Variants in TBC1D13 observed in about 807,000 individuals in gnomAD.
TBC1D13 encodes the protein epididymis secretory sperm binding protein.
TBC1D13 carries 40 observed loss-of-function variants against 53.6 expected under a neutral mutation model. That is an observed-to-expected ratio of 0.75 (90% CI 0.58 to 0.97). The LOEUF is 0.97. Among genes scored for constraint, TBC1D13 ranks in the 50% least tolerant of loss-of-function variants. TBC1D13 has a pLI of 0.00. For synonymous variants in TBC1D13, 182 were observed against 197.7 expected, an observed-to-expected ratio of 0.92 and a Z score of 0.67; for missense variants, 377 against 499.4, an observed-to-expected ratio of 0.75 and a Z score of 2.34.
intron 7 of TBC1D13, among the ~76,000 whole-genome samples, chr9:128,799,822 C>A (rs530008838): frequency 1.3e-5 from 2 of 152,118 alleles, no homozygotes; most frequent in Non-Finnish European, 2.9e-5. Context: ...GAGATCGAGA[C>A]CATCCTGGCT....
At chr9:128,789,812 T>TATATATATATATATATATATATATAA (rs11269563) in intron 2 of TBC1D13, 1 of 132,400 alleles carries the variant, frequency 7.6e-6, no homozygotes, top group African/African-American at 3.0e-5. Context: ...TATATATATA[T>TATATATATATATATATATATATATAA]AATAATTCCA....
chr9:128,807,009 A>G (rs1829847291), intron 11 of TBC1D13, among the ~76,000 whole-genome samples: 1 of 151,914 alleles, frequency 6.6e-6, no homozygotes, highest in Admixed American at 6.6e-5. Context: ...TGCTGTGCTC[A>G]TCATGTGACC....
Position 128,794,452 on chromosome 9 carries a change from T to C in TBC1D13, c.383+1878T>C, listed in dbSNP as rs113850399. Among the ~76,000 whole-genome samples the C allele has an allele frequency of 3.0e-3, 459 of 152,254 alleles. 2 individuals are homozygous for C. The highest frequency in any genetic ancestry group is 0.011 in the African/African-American group (444 of 41,552). On this transcript the variant is annotated intron_variant, in intron 6 of 11. Coordinates refer to ENST00000372648, the MANE Select transcript of TBC1D13 (RefSeq NM_018201.5). ...ACCTGGGGAAATAGGTTCTGTTTTT[T>C]TGTTTTCTGTTTTTTTTTTGTTTTT... is the stretch of plus-strand genomic sequence containing the variant.
At chr9:128,804,317 T>A (rs1829788977) in intron 9 of TBC1D13, among the ~76,000 whole-genome samples, 198 bp downstream of exon 9, 1 of 151,968 alleles carries the variant, frequency 6.6e-6, no homozygotes, top group Non-Finnish European at 1.5e-5. Flanking sequence ...TTGAGAATGG[T>A]GCCCATTGTG....
rs1050058157 is a variant in TBC1D13, at chr9:128,808,198, C to T, written c.*319C>T. ...GCCCCTCCCTGCCTCGGCTCTGCCG[C>T]CCCAGCCTCAGTTCCTGCTTCTGGT... On this transcript the variant is annotated 3_prime_UTR_variant, in exon 12 of 12. Coordinates refer to ENST00000372648, the MANE Select transcript of TBC1D13 (RefSeq NM_018201.5). The T allele has an allele frequency of 2.7e-6, 1 of 371,054 alleles. No homozygotes were observed. The highest frequency in any genetic ancestry group is 5.0e-5 in the East Asian group (1 of 20,072). The allele number at this position is 371,054 out of a possible 1,614,324, so 23.0% of individuals were successfully genotyped here. A position where few individuals can be genotyped will look rare whatever the true frequency, so the allele number is the denominator to read the frequency against.
rs997842055 is a variant in TBC1D13 at position 128,809,879 on chromosome 9, C to A, written c.*2000C>A. Reference sequence around the variant, plus strand: ...GATGCTTCCTGCTCACCTGGGCCACCCTCTCTCCAGGACTTGTCAGCTGGT... The same window carrying A: ...GATGCTTCCTGCTCACCTGGGCCACACTCTCTCCAGGACTTGTCAGCTGGT... On this transcript the variant is annotated 3_prime_UTR_variant, in exon 12 of 12. Transcript: ENST00000372648. 1.3e-5 allele frequency: 2 copies of A among 152,620 alleles called. No homozygotes were observed. The highest frequency in any genetic ancestry group is 2.9e-5 in the Non-Finnish European group (2 of 68,334). The allele number at this position is 152,620 out of a possible 1,614,324, so 9.5% of individuals were successfully genotyped here.
Position 128,810,385 on chromosome 9 carries a change from TTGA to T in TBC1D13, c.*2510_*2512del, listed in dbSNP as rs1288395612. ...TGTTTTGTTCCTTGAGTCAGTGCTG[TTGA>T]TGACGAGTTGTCTTGAATAAATCAT... On this transcript the variant is annotated 3_prime_UTR_variant, in exon 12 of 12. Transcript: ENST00000372648. 6.6e-6 allele frequency: 1 copy of T among 152,270 alleles called. No homozygotes were observed. The highest frequency in any genetic ancestry group is 1.5e-5 in the Non-Finnish European group (1 of 68,068). 9.4% of individuals were successfully genotyped at this position (152,270 alleles called of 1,614,324 possible). A position where few individuals can be genotyped will look rare whatever the true frequency, so the allele number is the denominator to read the frequency against.
intron 7 of TBC1D13, among the ~76,000 whole-genome samples, chr9:128,798,375 C>T (rs1306016057): frequency 6.6e-6 from 1 of 151,874 alleles, no homozygotes; most frequent in African/African-American, 2.4e-5. Context: ...AAGCAGAGAG[C>T]GAGTGAAGAG....
At position 128,803,284 on chromosome 9, in the gene TBC1D13, C is replaced by T; in HGVS notation, c.578C>T (p.Ser193Phe). Residue 193 changes from serine (S) to phenylalanine (F), a missense_variant, in exon 8 of 12, where the codon TCC (serine) becomes TTC (phenylalanine). Coordinates refer to ENST00000372648, the MANE Select transcript of TBC1D13 (RefSeq NM_018201.5). The part of the protein sequence containing the change: ...SSPHKNSVPS[S>F]LNEYEVLPNG... ...CCACACAAGAACTCTGTGCCATCATCCCTAAATGAGTATGAGGTGCTGCCC... is the reference window on the plus strand; with the variant it reads ...CCACACAAGAACTCTGTGCCATCATTCCTAAATGAGTATGAGGTGCTGCCC... The T allele has an allele frequency of 6.2e-7, 1 of 1,614,188 alleles. No individual in the cohort carries two copies. The highest frequency in any genetic ancestry group is 8.5e-7 in the Non-Finnish European group (1 of 1,180,032).
intron 6 of TBC1D13, 133 bp downstream of exon 6, chr9:128,792,707 T>G: frequency 1.3e-6 from 1 of 789,910 alleles, no homozygotes; most frequent in Non-Finnish European, 2.1e-6. Context: ...TCCCAGCGGT[T>G]GGGTCCAGGC....
At position 128,788,390 on chromosome 9, in the gene TBC1D13, G is replaced by C. The variant is rs762891775; in HGVS notation, c.80G>C (p.Arg27Pro). Residue 27 changes from arginine (R) to proline (P), a missense_variant, in exon 2 of 12, where the codon CGG becomes CCG. Coordinates refer to ENST00000372648, the MANE Select transcript of TBC1D13 (RefSeq NM_018201.5). ...KEPSIALEKL[R>P]ELSFSGIPCE... ...CCCTCAATTGCATTGGAAAAGCTGC[G>C]GGAACTCAGCTTTAGTGGTAAGAAG... 1.2e-6 allele frequency: 2 copies of C among 1,614,070 alleles called. No individual in the cohort carries two copies. Among genetic ancestry groups the C allele is most frequent in the South Asian group, 1.1e-5 (1 of 91,072 alleles).
chr9:128,792,813 C>T (rs1039874753), intron 6 of TBC1D13, among the ~76,000 whole-genome samples: 3 of 152,056 alleles, frequency 2.0e-5, no homozygotes, highest in African/African-American at 7.2e-5. Flanking sequence ...TCATTTGTAC[C>T]CCAGGTGTTT....
chr9:128,797,311 T>C, intron 7 of TBC1D13, 97 bp downstream of exon 7: 3 of 1,323,634 alleles, frequency 2.3e-6, no homozygotes, highest in Non-Finnish European at 3.1e-6. Context: ...GCCATGACCA[T>C]CTGCTTGACA....
At chr9:128,790,496 C>T (rs1305435038) in intron 2 of TBC1D13, among the ~76,000 whole-genome samples, 1 of 152,160 alleles carries the variant, frequency 6.6e-6, no homozygotes, top group African/African-American at 2.4e-5. Context: ...ATCGCTGGAA[C>T]TCGGGAGGCG....
At position 128,808,053 on chromosome 9, in the gene TBC1D13, C is replaced by T. The variant is rs1008220591; in HGVS notation, c.*174C>T. 25 of 634,740 alleles carry T rather than the reference C, an allele frequency of 3.9e-5. No homozygotes were observed. The highest frequency in any genetic ancestry group is 1.8e-4 in the African/African-American group (10 of 55,376). 39.3% of individuals were successfully genotyped at this position (634,740 alleles called of 1,614,324 possible). A position where few individuals can be genotyped will look rare whatever the true frequency, so the allele number is the denominator to read the frequency against. On this transcript the variant is annotated 3_prime_UTR_variant, in exon 12 of 12. Transcript: ENST00000372648. ...GTGCCGTGCTCCTTCTGCCGCCACG[C>T]CCAGCTCCCCACCTGCCCTGCACTC...
rs1158410534 is a variant in TBC1D13 at position 128,808,222 on chromosome 9, G to A, written c.*343G>A. 5 of 335,226 alleles carry A rather than the reference G, an allele frequency of 1.5e-5. No homozygotes were observed. Among genetic ancestry groups the A allele is most frequent in the African/African-American group, 8.3e-5 (4 of 48,192 alleles). The allele number at this position is 335,226 out of a possible 1,614,324, so 20.8% of individuals were successfully genotyped here. A position where few individuals can be genotyped will look rare whatever the true frequency, so the allele number is the denominator to read the frequency against. ...GCCCCAGCCTCAGTTCCTGCTTCTG[G>A]TCTTCTCCTGGGCTCCACTCAGGGG... On this transcript the variant is annotated 3_prime_UTR_variant, in exon 12 of 12. Coordinates refer to ENST00000372648, the MANE Select transcript of TBC1D13 (RefSeq NM_018201.5).
intron 7 of TBC1D13, among the ~76,000 whole-genome samples, chr9:128,798,152 C>T (rs1418339856): frequency 2.0e-5 from 3 of 152,120 alleles, no homozygotes; most frequent in African/African-American, 7.2e-5. Flanking sequence ...ACCCGGGAGG[C>T]TTAGGCAGTA....
intron 7 of TBC1D13, among the ~76,000 whole-genome samples, chr9:128,801,767 GTT>G (rs61640466): frequency 1.4e-5 from 2 of 140,702 alleles, no homozygotes. Context: ...TTTGTTTTTT[GTT>G]TTTTTTTTTT....
intron 5 of TBC1D13, 140 bp downstream of exon 5, chr9:128,791,833 C>G (rs1468560223): frequency 1.4e-6 from 1 of 692,724 alleles, no homozygotes; most frequent in Admixed American, 2.3e-5. Flanking sequence ...TTCCTCCTTT[C>G]TGCGTTGGGT....
Sources: allele counts gnomAD v4.1 joint callset (sites outside exome capture counted in the v4.1 genomes callset), GRCh38; gene constraint gnomAD v4.1.1; transcripts MANE v1.5; gene names NCBI Gene and HGNC (gene_info 2026-07-23, HGNC 2026-07-21).